OXSR1: variants seen among roughly 807,000 people sequenced by gnomAD.
The protein encoded by OXSR1 is serine/threonine-protein kinase OSR1.
In OXSR1, 24 loss-of-function variants were observed where a neutral mutation model predicts 79.8. The observed-to-expected ratio is 0.30, with a 90% CI of 0.22 to 0.42. OXSR1 has a LOEUF of 0.42. Ranked by LOEUF, OXSR1 falls within the 10% of genes least tolerant of loss-of-function variation. The probability of loss-of-function intolerance (pLI) is 1.00; values close to 1 mark genes in which losing one functional copy is unlikely to be tolerated. For synonymous variants in OXSR1, 226 were observed against 209.2 expected, an observed-to-expected ratio of 1.08 and a Z score of -0.69; for missense variants, 430 against 618.4, an observed-to-expected ratio of 0.70 and a Z score of 3.23.
At chr3:38,189,654 T>C (rs1230803911) in intron 2 of OXSR1, among the ~76,000 whole-genome samples, 1 of 152,214 alleles carries the variant, frequency 6.6e-6, no homozygotes, top group Non-Finnish European at 1.5e-5. Context: ...TGAAAAGCCT[T>C]ATAAAGTGCT....
chr3:38,172,923 C>A (rs986626561), intron 1 of OXSR1, among the ~76,000 whole-genome samples: 22 of 152,190 alleles, frequency 1.4e-4, no homozygotes, highest in African/African-American at 5.3e-4. Flanking sequence ...TTTTTTCATG[C>A]GACCACACTT....
chr3:38,248,979 C>T (rs1703200454), intron 14 of OXSR1, among the ~76,000 whole-genome samples: 2 of 152,152 alleles, frequency 1.3e-5, no homozygotes, highest in South Asian at 4.1e-4. Context: ...TATGTACTTA[C>T]ACAGCTAAAA....
At chr3:38,215,501 A>C (rs1458745364) in intron 4 of OXSR1, among the ~76,000 whole-genome samples, 3 of 152,220 alleles carry the variant, frequency 2.0e-5, no homozygotes, top group Non-Finnish European at 4.4e-5. Context: ...TTGGGAGAAA[A>C]GCCCAGATAT....
At chr3:38,242,640 A>G in intron 11 of OXSR1, 103 bp from the exon 12 acceptor site, 1 of 612,932 alleles carries the variant, frequency 1.6e-6, no homozygotes, top group Admixed American at 2.7e-5. Flanking sequence ...ATGGATCAGA[A>G]TTAAATGGAG....
At chr3:38,187,039 A>G (rs1701898226) in intron 2 of OXSR1, among the ~76,000 whole-genome samples, 1 of 152,168 alleles carries the variant, frequency 6.6e-6, no homozygotes, top group Non-Finnish European at 1.5e-5. Flanking sequence ...GGCAAAGTGA[A>G]TTGCAAAGGA....
At position 38,237,073 on chromosome 3, in the gene OXSR1, A is replaced by G. The variant is rs557366081; in HGVS notation, c.1074+112A>G. 5.6e-5 allele frequency: 52 copies of G among 927,730 alleles called. No individual in the cohort carries two copies. The African/African-American group carries it at 6.9e-4, about 12-fold the overall frequency. The allele number at this position is 927,730 out of a possible 1,614,324, so 57.5% of individuals were successfully genotyped here. Reference sequence around the variant, plus strand: ...GTAACAGGATTTTCTTGAACAGCTTATTAATAATAGGAGCCCAGTTAATTC... The same window carrying G: ...GTAACAGGATTTTCTTGAACAGCTTGTTAATAATAGGAGCCCAGTTAATTC... On this transcript the variant is annotated intron_variant, in intron 11 of 17. Coordinates refer to ENST00000311806, the MANE Select transcript of OXSR1 (RefSeq NM_005109.3).
chr3:38,248,969 T>C (rs1703200208), intron 14 of OXSR1, among the ~76,000 whole-genome samples: 1 of 152,190 alleles, frequency 6.6e-6, no homozygotes, highest in African/African-American at 2.4e-5. Context: ...TGATTTGAAC[T>C]ATGTACTTAC....
At chr3:38,190,355 T>TA (rs1267366709) in intron 2 of OXSR1, among the ~76,000 whole-genome samples, 14 of 152,102 alleles carry the variant, frequency 9.2e-5, no homozygotes, top group Admixed American at 4.6e-4. Flanking sequence ...ACACAAACTA[T>TA]AAAAAAACCC....
chr3:38,221,365 CT>C (rs1702586862), intron 5 of OXSR1, among the ~76,000 whole-genome samples: 1 of 152,158 alleles, frequency 6.6e-6, no homozygotes, highest in Non-Finnish European at 1.5e-5. Flanking sequence ...AGTGAGCCTC[CT>C]GCCTTGGCCT....
At chr3:38,173,511 C>A (rs1049420955) in intron 1 of OXSR1, among the ~76,000 whole-genome samples, 1 of 152,034 alleles carries the variant, frequency 6.6e-6, no homozygotes, top group Non-Finnish European at 1.5e-5. Flanking sequence ...ACCATGAATA[C>A]CTATCACATG....
intron 2 of OXSR1, among the ~76,000 whole-genome samples, chr3:38,187,160 A>G (rs961037470): frequency 6.6e-6 from 1 of 152,240 alleles, no homozygotes; most frequent in African/African-American, 2.4e-5. Flanking sequence ...ACATTCTATC[A>G]TTACCTGGTA....
intron 1 of OXSR1, among the ~76,000 whole-genome samples, chr3:38,182,386 C>T (rs1187459858): frequency 1.3e-5 from 2 of 152,208 alleles, no homozygotes; most frequent in African/African-American, 2.4e-5. Flanking sequence ...ACTGGGTTCA[C>T]CACTGTCCTG....
chr3:38,171,311 A>G (rs139055998), intron 1 of OXSR1, among the ~76,000 whole-genome samples: 19 of 152,358 alleles, frequency 1.2e-4, no homozygotes, highest in Admixed American at 1.2e-3. Context: ...ATAATAAGCT[A>G]TAGTCTTCAA....
chr3:38,190,784 C>T lies in OXSR1; in HGVS notation c.237C>T (p.Tyr79=). The T allele has an allele frequency of 6.2e-7, 1 of 1,610,024 alleles. No homozygotes were observed. The change falls in exon 3 of 18, where the codon TAC becomes TAT. Residue 79 remains tyrosine, a synonymous_variant. Transcript: ENST00000311806. Reference sequence around the variant, plus strand: ...ATCATCCTAATATTGTATCTTACTACACATCTTTTGTGGTAAAAGATGAGC... The same window carrying T: ...ATCATCCTAATATTGTATCTTACTATACATCTTTTGTGGTAAAAGATGAGC... ...QCHHPNIVSY[Y]TSFVVKDELW...
intron 17 of OXSR1, 50 bp downstream of exon 17, chr3:38,252,442 C>A: frequency 8.5e-7 from 1 of 1,182,778 alleles, no homozygotes; most frequent in Non-Finnish European, 1.3e-6. Flanking sequence ...TATACACTGG[C>A]AGCTTCTCCA....
intron 1 of OXSR1, among the ~76,000 whole-genome samples, chr3:38,177,181 G>A (rs1165794397): frequency 2.0e-5 from 3 of 152,234 alleles, no homozygotes; most frequent in Non-Finnish European, 4.4e-5. Flanking sequence ...TGCCTTTCTT[G>A]TAGATTTGTG....
At chr3:38,223,762 T>G in intron 6 of OXSR1, 50 bp from the exon 7 acceptor site, 1 of 1,398,742 alleles carries the variant, frequency 7.1e-7, no homozygotes, top group Non-Finnish European at 1.0e-6. Flanking sequence ...AGCTAACTTT[T>G]AAAAGTCCTT....
At chr3:38,203,334 C>G (rs1289338722) in intron 4 of OXSR1, among the ~76,000 whole-genome samples, 1 of 152,098 alleles carries the variant, frequency 6.6e-6, no homozygotes, top group Non-Finnish European at 1.5e-5. Context: ...AATATCAGCG[C>G]GCCCAGCCGT....
intron 1 of OXSR1, among the ~76,000 whole-genome samples, chr3:38,171,666 CT>C (rs34250513): frequency 2.5e-3 from 344 of 139,732 alleles, no homozygotes; most frequent in South Asian, 5.0e-3. Context: ...ATTCAAAGGA[CT>C]TTTTTTTTTT....
Sources: allele counts gnomAD v4.1 joint callset (sites outside exome capture counted in the v4.1 genomes callset), GRCh38; gene constraint gnomAD v4.1.1; transcripts MANE v1.5; gene names NCBI Gene and HGNC (gene_info 2026-07-23, HGNC 2026-07-21).